The following DYNC2H1 variants were observed in gnomAD, a reference collection of about 807,000 sequenced individuals.
The protein encoded by DYNC2H1 is dynein cytoplasmic 2 heavy chain 1.
Under a neutral mutation model 570.0 loss-of-function variants are expected in DYNC2H1, and 410 were observed. The ratio of observed to expected loss-of-function variants is 0.72; its 90% CI spans 0.66 to 0.78. The LOEUF (loss-of-function observed/expected upper bound fraction) is 0.78. DYNC2H1 is among the 30% of genes least tolerant of loss of function. The pLI is 0.00. For synonymous variants in DYNC2H1, 1,688 were observed against 1,677.6 expected (o/e 1.01, Z -0.15); for missense variants, 4,865 against 5,046.4 (o/e 0.96, Z 1.09).
At chr11:103,405,330 T>C (rs1942817788) in intron 84 of DYNC2H1, 1 of 151,792 alleles carries the variant, frequency 6.6e-6, no homozygotes, top group South Asian at 2.1e-4. Context: ...GGAAGAGGGT[T>C]TTATATTAAA....
At position 103,319,666 on chromosome 11, in the gene DYNC2H1, A is replaced by G. The variant is rs1166106525; in HGVS notation, c.11726-1363A>G. ...AATTTGTTTTGAGAAAAATAGGTAG[A>G]AAAAAATAAGATTTTCTTATAAAAA... On this transcript the variant is annotated intron_variant, in intron 80 of 88. Coordinates refer to ENST00000375735, the MANE Select transcript of DYNC2H1 (RefSeq NM_001377.3). This position sits in a 1 kb window ranked among gnomAD's most constrained non-coding sequence, Gnocchi z 4.3. Among the ~76,000 whole-genome samples the G allele has an allele frequency of 2.6e-5, 4 of 152,186 alleles. No homozygotes were observed.
intron 84 of DYNC2H1, chr11:103,401,902 TAGTTA>T (rs1183159901): frequency 6.6e-6 from 1 of 151,954 alleles, no homozygotes; most frequent in Non-Finnish European, 1.5e-5. Flanking sequence ...CAGGAAGAGG[TAGTTA>T]AGTTAGGGCC....
At chr11:103,343,193 C>T (rs1299288663) in intron 82 of DYNC2H1, among the ~76,000 whole-genome samples, 1 of 152,140 alleles carries the variant, frequency 6.6e-6, no homozygotes, top group African/African-American at 2.4e-5. Flanking sequence ...CTCTGAGGTC[C>T]CGACAAAAGT....
chr11:103,338,864 T>A (rs570311891), intron 82 of DYNC2H1, among the ~76,000 whole-genome samples: 1 of 152,298 alleles, frequency 6.6e-6, no homozygotes, highest in African/African-American at 2.4e-5. Flanking sequence ...TCCTAGTTGT[T>A]CTTGATGCTT....
chr11:103,459,271 T>C (rs1392069197), intron 87 of DYNC2H1, among the ~76,000 whole-genome samples: 1 of 106,952 alleles, frequency 9.3e-6, no homozygotes, highest in Non-Finnish European at 1.7e-5. Context: ...ATCCCGCCAC[T>C]GCACTCCAGC....
At chr11:103,431,418 T>C (rs991253527) in intron 84 of DYNC2H1, among the ~76,000 whole-genome samples, 3 of 152,020 alleles carry the variant, frequency 2.0e-5, no homozygotes, top group Non-Finnish European at 4.4e-5. Context: ...CCAAGTTACC[T>C]GGGGGTTTAC....
At chr11:103,178,790 C>A (rs912799853) in intron 38 of DYNC2H1, among the ~76,000 whole-genome samples, 3 of 151,904 alleles carry the variant, frequency 2.0e-5, no homozygotes, top group Admixed American at 2.0e-4. Context: ...AATAAAAATA[C>A]CTAAGCCTTG....
At chr11:103,187,848 G>T (rs1236834120) in intron 43 of DYNC2H1, among the ~76,000 whole-genome samples, 1 of 151,950 alleles carries the variant, frequency 6.6e-6, no homozygotes, top group Non-Finnish European at 1.5e-5. Context: ...TCCTTTATTC[G>T]TAAAACAAGG....
chr11:103,291,367 G>A (rs906697184), intron 75 of DYNC2H1, among the ~76,000 whole-genome samples: 7 of 152,158 alleles, frequency 4.6e-5, no homozygotes, highest in Non-Finnish European at 7.3e-5. Context: ...GACCCACAAG[G>A]CGAAGGGTTG....
Position 103,199,209 on chromosome 11 carries a change from A to G in DYNC2H1, c.7840-19A>G. On this transcript the variant is annotated intron_variant, in intron 48 of 88. Transcript: ENST00000375735. This position sits in a 1 kb window ranked among gnomAD's most constrained non-coding sequence, Gnocchi z 4.6. Reference sequence around the variant, plus strand: ...TTAGGGCTTATATTAATTATAAAATATTCTGATTTTTTTAAAAGGGTCTTA... The same window carrying G: ...TTAGGGCTTATATTAATTATAAAATGTTCTGATTTTTTTAAAAGGGTCTTA... 6.9e-7 allele frequency: 1 copy of G among 1,444,962 alleles called. No individual in the cohort carries two copies. Among genetic ancestry groups the G allele is most frequent in the Non-Finnish European group, 9.4e-7 (1 of 1,068,990 alleles). The allele number at this position is 1,444,962 out of a possible 1,614,324, so 89.5% of individuals were successfully genotyped here. A position where few individuals can be genotyped will look rare whatever the true frequency, so the allele number is the denominator to read the frequency against.
chr11:103,322,715 A>C (rs1404215777), intron 81 of DYNC2H1, among the ~76,000 whole-genome samples: 1 of 152,146 alleles, frequency 6.6e-6, no homozygotes. Flanking sequence ...GAAATAAGCA[A>C]AGTGTATAAC....
Position 103,109,667 on chromosome 11 carries a change from AC to A in DYNC2H1, c.94del (p.Leu32CysfsTer54). On this transcript the variant is annotated frameshift_variant, in exon 1 of 89. Transcript: ENST00000375735. LOFTEE classifies it high-confidence loss of function. ...GLMSELWDQP[L>X]LCNCLEINNF... ...TGATGTCTGAACTCTGGGATCAGCC[AC>A]TGTTGTGCAACTGTCTTGAAATCAA... 6.2e-7 allele frequency: 1 copy of A among 1,613,928 alleles called. No homozygotes were observed. The highest frequency in any genetic ancestry group is 8.5e-7 in the Non-Finnish European group (1 of 1,179,872).
intron 77 of DYNC2H1, among the ~76,000 whole-genome samples, chr11:103,307,161 A>G (rs1350989838): frequency 6.6e-6 from 1 of 152,194 alleles, no homozygotes; most frequent in African/African-American, 2.4e-5. Flanking sequence ...ACTAAAGCCC[A>G]CAGTATGAGA....
intron 45 of DYNC2H1, among the ~76,000 whole-genome samples, chr11:103,190,800 G>A (rs1185689735): frequency 1.3e-5 from 2 of 151,968 alleles, no homozygotes; most frequent in Non-Finnish European, 2.9e-5. Flanking sequence ...GAGATACTTT[G>A]ATTTGTTCAG....
intron 84 of DYNC2H1, among the ~76,000 whole-genome samples, chr11:103,411,005 C>T (rs1028715089): frequency 1.3e-5 from 2 of 152,070 alleles, no homozygotes; most frequent in African/African-American, 4.8e-5. Flanking sequence ...GCATTTTTCA[C>T]TGGGGTGGGG....
At chr11:103,385,404 T>C (rs1941829794) in intron 83 of DYNC2H1, among the ~76,000 whole-genome samples, 1 of 151,774 alleles carries the variant, frequency 6.6e-6, no homozygotes, top group Non-Finnish European at 1.5e-5. Context: ...CAGAACTGTC[T>C]TCTGGTTCAC....
intron 17 of DYNC2H1, among the ~76,000 whole-genome samples, chr11:103,140,046 T>C (rs1222086353): frequency 1.3e-5 from 2 of 152,114 alleles, no homozygotes; most frequent in Non-Finnish European, 2.9e-5. Flanking sequence ...ACCCCTGCCT[T>C]TTTTTGTTTT....
At chr11:103,451,417 C>A (rs1944599430) in intron 85 of DYNC2H1, among the ~76,000 whole-genome samples, 1 of 147,078 alleles carries the variant, frequency 6.8e-6, no homozygotes, top group Non-Finnish European at 1.5e-5. Context: ...ACTGCAACCT[C>A]CGCCTCCCAG....
At position 103,286,254 on chromosome 11, in the gene DYNC2H1, G is replaced by T; in HGVS notation, c.10891-1G>T. The T allele has an allele frequency of 6.2e-7, 1 of 1,612,056 alleles. No individual in the cohort carries two copies. Among genetic ancestry groups the T allele is most frequent in the Non-Finnish European group, 8.5e-7 (1 of 1,179,384 alleles). ...TGTATATGGCCATTTTTATTTTTTAGATTGCTCTCCCCAGTCTTTATCAGA... is the reference window on the plus strand; with the variant it reads ...TGTATATGGCCATTTTTATTTTTTATATTGCTCTCCCCAGTCTTTATCAGA... On this transcript the variant is annotated splice_acceptor_variant, in intron 73 of 88. Transcript: ENST00000375735. LOFTEE classifies it high-confidence loss of function.
Sources: allele counts gnomAD v4.1 joint callset (sites outside exome capture counted in the v4.1 genomes callset), GRCh38; gene constraint gnomAD v4.1.1; non-coding constraint Gnocchi (gnomAD v3.1); transcripts MANE v1.5; gene names NCBI Gene and HGNC (gene_info 2026-07-23, HGNC 2026-07-21).